Variants in CD8B observed in about 807,000 individuals in gnomAD.
The protein encoded by CD8B is CD8 subunit beta.
A neutral mutation model predicts 24.2 loss-of-function variants in CD8B; 6 were observed. That is an observed-to-expected ratio of 0.25 (90% CI 0.14 to 0.49). The LOEUF (loss-of-function observed/expected upper bound fraction) is 0.49. CD8B is among the 20% of genes least tolerant of loss of function. The probability of loss-of-function intolerance (pLI) is 0.98; values close to 1 mark genes in which losing one functional copy is unlikely to be tolerated. For missense variants in CD8B, 196 were observed against 271.3 expected (o/e 0.72, Z 1.95); for synonymous variants, 84 against 108.3 (o/e 0.78, Z 1.39).
At chr2:86,844,806 C>A (rs1212734936) in intron 5 of CD8B, 116 bp downstream of exon 5, 1 of 1,544,260 alleles carries the variant, frequency 6.5e-7, no homozygotes, top group East Asian at 2.5e-5. Context: ...CTATGCCCGG[C>A]CGAGTCTATG....
chr2:86,815,755 C>A (rs756582346), intron 5 of CD8B: 1 of 1,100,010 alleles, frequency 9.1e-7, no homozygotes. Context: ...TCAATACATG[C>A]ACCAAGTCAA....
chr2:86,837,179 A>C (rs59909368), downstream of CD8B, among the ~76,000 whole-genome samples: 52,002 of 152,048 alleles, frequency 0.34, 9,248 homozygotes, highest in East Asian at 0.55. Context: ...AATTATGTAG[A>C]AGAATGGACA....
Position 86,839,264 on chromosome 2 carries a change from T to C in CD8B, c.*3043A>G, listed in dbSNP as rs1249899695. Among the ~76,000 whole-genome samples, 1 of 152,258 alleles carries C rather than the reference T, an allele frequency of 6.6e-6. No individual in the cohort carries two copies. Among genetic ancestry groups the C allele is most frequent in the Non-Finnish European group, 1.5e-5 (1 of 68,042 alleles). On this transcript the variant is annotated 3_prime_UTR_variant, in exon 6 of 6. Coordinates refer to ENST00000390655, the MANE Select transcript of CD8B (RefSeq NM_004931.5). ...CTTAGCAGCCGCCTAAACCCCCTTATTAGACTGTGTCTGAATTTATCTGAC... is the reference window on the plus strand; with the variant it reads ...CTTAGCAGCCGCCTAAACCCCCTTACTAGACTGTGTCTGAATTTATCTGAC...
Position 86,850,683 on chromosome 2 carries a change from A to G in CD8B, c.493+2314T>C, listed in dbSNP as rs1194606938. ...ACCTCCACCTACTTTCCCCACACCC[A>G]TCCCCAGCCTTACTCCACTAGGTCA... is the stretch of plus-strand genomic sequence containing the variant. On this transcript the variant is annotated intron_variant, in intron 3 of 5. Coordinates refer to ENST00000390655, the MANE Select transcript of CD8B (RefSeq NM_004931.5). Among the ~76,000 whole-genome samples, 8 of 152,094 alleles carry G rather than the reference A, an allele frequency of 5.3e-5. No individual in the cohort carries two copies. In the East Asian group the frequency reaches 1.2e-3, roughly 22 times the overall value.
chr2:86,815,437 C>T (rs1214082147), downstream of CD8B: 2 of 598,736 alleles, frequency 3.3e-6, no homozygotes, highest in East Asian at 5.4e-5. Context: ...CTTTGGGGTT[C>T]ACAAGGATGG....
intron 5 of CD8B, among the ~76,000 whole-genome samples, chr2:86,823,252 T>C (rs926597489): frequency 1.1e-4 from 17 of 152,124 alleles, no homozygotes; most frequent in African/African-American, 3.4e-4. Flanking sequence ...TTTTGCACAA[T>C]CATTTTTTAA....
At chr2:86,847,144 C>T (rs1278553304) in intron 3 of CD8B, among the ~76,000 whole-genome samples, 2 of 151,634 alleles carry the variant, frequency 1.3e-5, no homozygotes, top group Non-Finnish European at 2.9e-5. Context: ...ATCATGTTGG[C>T]CAGGCTGGTC....
At chr2:86,825,147 G>A (rs992982803) in intron 5 of CD8B, among the ~76,000 whole-genome samples, 3 of 152,180 alleles carry the variant, frequency 2.0e-5, no homozygotes, top group Non-Finnish European at 2.9e-5. Flanking sequence ...ATCTGCCTTG[G>A]TAAGTGAACT....
chr2:86,821,932 G>C (rs1282137869), intron 5 of CD8B, among the ~76,000 whole-genome samples: 1 of 152,168 alleles, frequency 6.6e-6, no homozygotes, highest in Non-Finnish European at 1.5e-5. Context: ...TGATTTTGAA[G>C]GGCTGGCGCA....
intron 5 of CD8B, chr2:86,843,333 C>T (rs1347619324): frequency 3.9e-5 from 9 of 229,756 alleles, no homozygotes; most frequent in Admixed American, 6.5e-5. Context: ...TGACCTCAGG[C>T]GATCTACCTG....
intron 5 of CD8B, among the ~76,000 whole-genome samples, chr2:86,829,202 C>A (rs1573494818): frequency 7.1e-6 from 1 of 141,688 alleles, no homozygotes. Flanking sequence ...TGGGTTTAAG[C>A]GATTTCCCCC....
At chr2:86,817,087 G>T (rs1243071605) in intron 5 of CD8B, among the ~76,000 whole-genome samples, 3 of 152,334 alleles carry the variant, frequency 2.0e-5, no homozygotes, top group African/African-American at 7.2e-5. Context: ...GAATCAGTGA[G>T]ATGCAAATGA....
chr2:86,834,804 C>T (rs574606568), downstream of CD8B, among the ~76,000 whole-genome samples: 59 of 151,844 alleles, frequency 3.9e-4, no homozygotes, highest in African/African-American at 1.1e-3. Flanking sequence ...GGCATGATGG[C>T]GCGCACCTGG....
rs1675286007 is a variant in CD8B at position 86,838,691 on chromosome 2, G to A, written c.*3616C>T. Reference sequence around the variant, plus strand: ...AAATTTAAAAATTTTTTGTAGAGTCGAGGTCTTGCTATGTTGCCTAGGCTG... The same window carrying A: ...AAATTTAAAAATTTTTTGTAGAGTCAAGGTCTTGCTATGTTGCCTAGGCTG... On this transcript the variant is annotated 3_prime_UTR_variant, in exon 6 of 6. Transcript: ENST00000390655. 1.3e-5 allele frequency among the ~76,000 whole-genome samples: 2 copies of A among 152,068 alleles called. No homozygotes were observed. Among genetic ancestry groups the A allele is most frequent in the Non-Finnish European group, 2.9e-5 (2 of 68,018 alleles).
chr2:86,857,355 C>G (rs1676317464), intron 2 of CD8B, among the ~76,000 whole-genome samples: 1 of 152,210 alleles, frequency 6.6e-6, no homozygotes, highest in Admixed American at 6.5e-5. Context: ...AGGGGCTCAG[C>G]CCAATCCAGC....
exon 6 of CD8B, chr2:86,815,598 G>T (rs751941920): frequency 1.3e-6 from 2 of 1,515,854 alleles, no homozygotes; most frequent in Non-Finnish European, 1.8e-6. Context: ...CAGGACCTGT[G>T]CTTCTTGCCT....
chr2:86,829,095 C>CTTTTTTTTG (rs1674805313), intron 5 of CD8B, among the ~76,000 whole-genome samples: 1 of 82,992 alleles, frequency 1.2e-5, no homozygotes, highest in Non-Finnish European at 2.2e-5. Flanking sequence ...ATGCTCTTTA[C>CTTTTTTTTG]TTTTTTTTTT....
At chr2:86,836,669 TC>T (rs1355800760), downstream of CD8B, among the ~76,000 whole-genome samples, 2 of 151,902 alleles carry the variant, frequency 1.3e-5, no homozygotes, top group Non-Finnish European at 2.9e-5. Flanking sequence ...GCACCTGTAG[TC>T]CCAGCTACTT....
chr2:86,836,379 A>G (rs560101222), downstream of CD8B, among the ~76,000 whole-genome samples: 1 of 152,272 alleles, frequency 6.6e-6, no homozygotes, highest in South Asian at 2.1e-4. Flanking sequence ...CAAGACTGCG[A>G]GCCCTGGGGG....
Sources: gnomAD v4.1 joint callset for allele counts (sites outside exome capture counted in the v4.1 genomes callset) on GRCh38, gnomAD v4.1.1 for gene constraint, MANE v1.5 for transcripts, NCBI Gene and HGNC (gene_info 2026-07-23, HGNC 2026-07-21) for gene names.